Variants in SNX3 observed in about 807,000 individuals in gnomAD.
SNX3 encodes the protein sorting nexin 3.
A neutral mutation model predicts 17.7 loss-of-function variants in SNX3; 5 were observed. That is an observed-to-expected ratio of 0.28 (90% CI 0.15 to 0.59). The LOEUF (loss-of-function observed/expected upper bound fraction) is 0.59. Ranked by LOEUF, SNX3 falls within the 20% of genes least tolerant of loss-of-function variation. SNX3 has a pLI of 0.88. For missense variants in SNX3, 132 were observed against 206.8 expected, an observed-to-expected ratio of 0.64 and a Z score of 2.22; for synonymous variants, 91 against 76.5, an observed-to-expected ratio of 1.19 and a Z score of -0.99.
intron 1 of SNX3, among the ~76,000 whole-genome samples, chr6:108,229,630 C>T (rs1775081130): frequency 6.6e-6 from 1 of 152,158 alleles, no homozygotes; most frequent in Admixed American, 6.5e-5. Flanking sequence ...TCTTGTCGCC[C>T]ATGCTAGGGT....
intron 1 of SNX3, among the ~76,000 whole-genome samples, chr6:108,257,654 G>C (rs1263518636): frequency 6.6e-6 from 1 of 152,126 alleles, no homozygotes; most frequent in African/African-American, 2.4e-5. Flanking sequence ...TTAGTTTTAA[G>C]TTAACACATT....
At chr6:108,260,609 G>A in intron 1 of SNX3, 151 bp downstream of exon 1, 4 of 798,098 alleles carry the variant, frequency 5.0e-6, no homozygotes, top group Non-Finnish European at 7.9e-6. Flanking sequence ...TACAGGAAGA[G>A]GGGCCCTGGC....
chr6:108,234,238 C>CATATATATATATATATATAT (rs10655859), intron 1 of SNX3, among the ~76,000 whole-genome samples: 99 of 148,210 alleles, frequency 6.7e-4, no homozygotes, highest in African/African-American at 2.3e-3. Flanking sequence ...ATATAAAAAA[C>CATATATATATATATATATAT]ATATATATAT....
At chr6:108,226,341 TG>T (rs1204649988) in intron 1 of SNX3, among the ~76,000 whole-genome samples, 5 of 152,194 alleles carry the variant, frequency 3.3e-5, no homozygotes, top group Non-Finnish European at 7.3e-5. Context: ...CCCAAAGTGC[TG>T]GGATTACAGG....
intron 2 of SNX3, among the ~76,000 whole-genome samples, chr6:108,221,838 C>T (rs1437215951): frequency 6.6e-6 from 1 of 152,156 alleles, no homozygotes; most frequent in African/African-American, 2.4e-5. Context: ...AGCCACTGCA[C>T]CTGGCCCCTC....
chr6:108,258,532 T>C (rs575447297), intron 1 of SNX3, among the ~76,000 whole-genome samples: 11 of 152,192 alleles, frequency 7.2e-5, no homozygotes, highest in East Asian at 5.8e-4. Flanking sequence ...TCTCCTGAGA[T>C]AGGGTCTCAT....
chr6:108,233,174 T>C (rs555503242), intron 1 of SNX3, among the ~76,000 whole-genome samples: 1 of 152,310 alleles, frequency 6.6e-6, no homozygotes, highest in South Asian at 2.1e-4. Flanking sequence ...TATTCTTCAT[T>C]TGTGAATTAG....
chr6:108,243,012 T>C (rs544191765), intron 1 of SNX3, among the ~76,000 whole-genome samples: 1 of 152,338 alleles, frequency 6.6e-6, no homozygotes, highest in East Asian at 1.9e-4. Context: ...ACAAGCCATA[T>C]TCAGACTTCT....
At chr6:108,236,617 T>C (rs1437640079) in intron 1 of SNX3, among the ~76,000 whole-genome samples, 1 of 151,784 alleles carries the variant, frequency 6.6e-6, no homozygotes, top group Non-Finnish European at 1.5e-5. Context: ...CTCGATCTCC[T>C]GACCTCGTGA....
At chr6:108,240,659 T>C (rs113995836) in intron 1 of SNX3, among the ~76,000 whole-genome samples, 150 of 152,238 alleles carry the variant, frequency 9.9e-4, no homozygotes, top group African/African-American at 3.5e-3. Context: ...GAGTAGAATA[T>C]AGAAGTCCCA....
At chr6:108,253,534 A>G (rs1006615088) in intron 1 of SNX3, among the ~76,000 whole-genome samples, 6 of 151,982 alleles carry the variant, frequency 3.9e-5, no homozygotes, top group African/African-American at 1.5e-4. Flanking sequence ...CCAAAAACTT[A>G]AGCTGTAGAG....
At chr6:108,236,375 A>ATTTT (rs1271213219) in intron 1 of SNX3, among the ~76,000 whole-genome samples, 45 of 122,338 alleles carry the variant, frequency 3.7e-4, no homozygotes, top group East Asian at 6.6e-4. Flanking sequence ...TATTATTATT[A>ATTTT]TTATTTTTTT....
intron 1 of SNX3, among the ~76,000 whole-genome samples, chr6:108,253,969 C>CA (rs902716327): frequency 1.3e-5 from 2 of 151,446 alleles, no homozygotes; most frequent in African/African-American, 2.4e-5. Context: ...ACTGAAAACA[C>CA]AAAAAAAATT....
Position 108,260,823 on chromosome 6 carries a change from C to T in SNX3, c.99G>A (p.Val33=). 6.2e-7 allele frequency: 1 copy of T among 1,613,950 alleles called. No homozygotes were observed. The change falls in exon 1 of 4, where the codon GTG becomes GTA. Residue 33 remains valine, a synonymous_variant. Transcript: ENST00000230085. ...CGACCCCCACCGTTTGCGGGTTGCT[C>T]ACATCGATCTCGAGGAAGTTGCTGG... ...GPPSNFLEID[V]SNPQTVGVGR... is the part of the protein sequence containing the mutation.
intron 1 of SNX3, among the ~76,000 whole-genome samples, chr6:108,232,573 C>T (rs1217323804): frequency 6.6e-6 from 1 of 152,136 alleles, no homozygotes; most frequent in East Asian, 1.9e-4. Context: ...TATAGCTTAA[C>T]AATAGATATT....
chr6:108,246,171 TC>T (rs1775682734), intron 1 of SNX3, among the ~76,000 whole-genome samples: 1 of 152,174 alleles, frequency 6.6e-6, no homozygotes, highest in South Asian at 2.1e-4. Context: ...TAGCCAGTTT[TC>T]CCAGCACCAT....
chr6:108,230,027 T>G (rs1775092035), intron 1 of SNX3, among the ~76,000 whole-genome samples: 1 of 152,012 alleles, frequency 6.6e-6, no homozygotes, highest in Non-Finnish European at 1.5e-5. Flanking sequence ...AGTTGATTCC[T>G]AGGTTTATCT....
chr6:108,248,243 TC>T (rs1186563745), intron 1 of SNX3, among the ~76,000 whole-genome samples: 1 of 152,188 alleles, frequency 6.6e-6, no homozygotes, highest in Non-Finnish European at 1.5e-5. Flanking sequence ...CTCCCCACTC[TC>T]CTTACCACCA....
chr6:108,242,556 A>G (rs146703181), intron 1 of SNX3, among the ~76,000 whole-genome samples: 2 of 152,312 alleles, frequency 1.3e-5, no homozygotes, highest in African/African-American at 4.8e-5. Flanking sequence ...AGAATTCCCT[A>G]TCCAGCGTGG....
Sources: gnomAD v4.1 joint callset for allele counts (sites outside exome capture counted in the v4.1 genomes callset) on GRCh38, gnomAD v4.1.1 for gene constraint, MANE v1.5 for transcripts, NCBI Gene and HGNC (gene_info 2026-07-23, HGNC 2026-07-21) for gene names.